Variants in FSTL5 observed in about 807,000 individuals in gnomAD.
FSTL5 encodes the protein follistatin like 5.
Under a neutral mutation model 89.1 loss-of-function variants are expected in FSTL5, and 62 were observed. That is an observed-to-expected ratio of 0.70 (90% confidence interval 0.57 to 0.86). FSTL5 has a LOEUF of 0.86. FSTL5 is among the 40% of genes least tolerant of loss of function. The pLI is 0.00. For synonymous variants in FSTL5, 383 were observed against 346.2 expected, an observed-to-expected ratio of 1.11 and a Z score of -1.18; for missense variants, 1,057 against 1,001.6, an observed-to-expected ratio of 1.06 and a Z score of -0.75.
chr4:161,551,950 C>G (rs1362254425), intron 8 of FSTL5, among the ~76,000 whole-genome samples: 1 of 151,812 alleles, frequency 6.6e-6, no homozygotes, highest in Non-Finnish European at 1.5e-5. Context: ...TCTAAAACAC[C>G]AAAAGCAATG....
At chr4:162,134,150 T>C (rs1424191914) in intron 1 of FSTL5, among the ~76,000 whole-genome samples, 2 of 152,194 alleles carry the variant, frequency 1.3e-5, no homozygotes, top group Non-Finnish European at 2.9e-5. Flanking sequence ...TTTTACTATA[T>C]CCAGTTTATT....
At chr4:161,839,975 CAGAT>C (rs1317557752) in intron 4 of FSTL5, among the ~76,000 whole-genome samples, 17 of 152,240 alleles carry the variant, frequency 1.1e-4, no homozygotes, top group East Asian at 9.6e-4. Flanking sequence ...TATTGAGTGA[CAGAT>C]AGACGGTTAA....
Position 161,403,125 on chromosome 4 carries a change from G to A in FSTL5, c.1842-16676C>T, listed in dbSNP as rs539662881. Among the ~76,000 whole-genome samples, 14 of 152,070 alleles carry A rather than the reference G, an allele frequency of 9.2e-5. No individual in the cohort carries two copies. The South Asian group carries it at 1.5e-3, about 16-fold the overall frequency. On this transcript the variant is annotated intron_variant, in intron 15 of 15. Coordinates refer to ENST00000306100, the MANE Select transcript of FSTL5 (RefSeq NM_020116.5). ...ATTACAGGCGTGAGCCATGGCGCCCGGCCCCCAGAACTATTAATAATCATT... is the reference window on the plus strand; with the variant it reads ...ATTACAGGCGTGAGCCATGGCGCCCAGCCCCCAGAACTATTAATAATCATT...
chr4:161,941,103 A>ATTTAATTTATAACAAT (rs1734569081), intron 3 of FSTL5, among the ~76,000 whole-genome samples: 1 of 151,890 alleles, frequency 6.6e-6, no homozygotes, highest in African/African-American at 2.4e-5. Context: ...ATTGTTATAA[A>ATTTAATTTATAACAAT]TGTAAGAGTT....
chr4:161,636,956 A>G (rs1385629049), intron 7 of FSTL5, among the ~76,000 whole-genome samples: 1 of 83,802 alleles, frequency 1.2e-5, no homozygotes, highest in South Asian at 5.2e-4. Flanking sequence ...AGCATGATTT[A>G]TAGTCCTTTG....
intron 1 of FSTL5, among the ~76,000 whole-genome samples, chr4:162,113,844 T>C (rs1221121666): frequency 6.6e-6 from 1 of 152,212 alleles, no homozygotes; most frequent in African/African-American, 2.4e-5. Context: ...TAGATCAGTT[T>C]TCCTTCATTT....
chr4:161,643,561 C>T (rs2126670664), intron 7 of FSTL5, among the ~76,000 whole-genome samples: 1 of 151,774 alleles, frequency 6.6e-6, no homozygotes, highest in Admixed American at 6.6e-5. Context: ...AGCTGAATGC[C>T]TAGAAAAACA....
intron 2 of FSTL5, among the ~76,000 whole-genome samples, chr4:162,108,838 A>G (rs1254824474): frequency 1.3e-5 from 2 of 151,952 alleles, no homozygotes; most frequent in East Asian, 1.9e-4. Context: ...CAGCCTTATT[A>G]GAGCCATCTG....
chr4:161,658,485 C>T (rs77031349), intron 6 of FSTL5, among the ~76,000 whole-genome samples: 3 of 151,700 alleles, frequency 2.0e-5, no homozygotes, highest in Admixed American at 6.6e-5. Context: ...GGAATATTTT[C>T]GGTCTGTTTT....
chr4:161,638,255 GCTCT>G (rs1011207550), intron 7 of FSTL5, among the ~76,000 whole-genome samples: 4 of 151,286 alleles, frequency 2.6e-5, no homozygotes, highest in Non-Finnish European at 4.4e-5. Context: ...TCATGATTTG[GCTCT>G]CTGTTTGTCT....
intron 15 of FSTL5, among the ~76,000 whole-genome samples, chr4:161,445,495 A>C (rs1217350158): frequency 6.6e-6 from 1 of 151,960 alleles, no homozygotes. Context: ...TTTAACAATG[A>C]CTTTATTAAT....
At chr4:161,762,803 T>G (rs1740853070) in intron 5 of FSTL5, among the ~76,000 whole-genome samples, 1 of 152,164 alleles carries the variant, frequency 6.6e-6, no homozygotes, top group Non-Finnish European at 1.5e-5. Flanking sequence ...AAATAAAATC[T>G]TTTACACTTT....
intron 4 of FSTL5, among the ~76,000 whole-genome samples, chr4:161,918,792 C>T (rs1194461813): frequency 6.6e-6 from 1 of 151,880 alleles, no homozygotes; most frequent in Admixed American, 6.6e-5. Flanking sequence ...TAGAGGCACC[C>T]GCCATCATGC....
At chr4:162,110,609 A>C (rs1208198224) in intron 2 of FSTL5, among the ~76,000 whole-genome samples, 1 of 151,772 alleles carries the variant, frequency 6.6e-6, no homozygotes, top group Non-Finnish European at 1.5e-5. Context: ...ATGAAATTTT[A>C]TGTGATTTAA....
chr4:161,572,313 C>G (rs1733043165), intron 8 of FSTL5, among the ~76,000 whole-genome samples: 1 of 111,048 alleles, frequency 9.0e-6, no homozygotes, highest in African/African-American at 3.7e-5. Flanking sequence ...GAGTGAGACT[C>G]CGTCTAAAAA....
intron 1 of FSTL5, among the ~76,000 whole-genome samples, chr4:162,134,367 C>T (rs142703107): frequency 9.5e-4 from 144 of 152,086 alleles, no homozygotes; most frequent in African/African-American, 3.3e-3. Flanking sequence ...ACTGCCCCTG[C>T]GGTCTTATAT....
chr4:161,498,197 T>C (rs1246803816), intron 12 of FSTL5, among the ~76,000 whole-genome samples: 3 of 152,086 alleles, frequency 2.0e-5, no homozygotes, highest in South Asian at 4.1e-4. Flanking sequence ...ACATTGTTTT[T>C]CTTTAGTTGT....
Position 161,992,585 on chromosome 4 carries a change from G to A in FSTL5, c.160+41040C>T, listed in dbSNP as rs147458341. On this transcript the variant is annotated intron_variant, in intron 3 of 15. Transcript: ENST00000306100. ...AAGCAGGGCGCGGTGGTTCACGCCT[G>A]TAATCCCAGCACTTTGGAAAGCCAA... Among the ~76,000 whole-genome samples, 7 of 151,876 alleles carry A rather than the reference G, an allele frequency of 4.6e-5. No individual in the cohort carries two copies. The East Asian group carries it at 1.4e-3, about 30-fold the overall frequency.
chr4:161,956,212 A>G (rs1182248699), intron 3 of FSTL5, among the ~76,000 whole-genome samples: 2 of 151,944 alleles, frequency 1.3e-5, no homozygotes, highest in African/African-American at 2.4e-5. Flanking sequence ...TGAAATAGCA[A>G]TAAATGAATT....
Sources: allele counts gnomAD v4.1 joint callset (sites outside exome capture counted in the v4.1 genomes callset), GRCh38; gene constraint gnomAD v4.1.1; transcripts MANE v1.5; gene names NCBI Gene and HGNC (gene_info 2026-07-23, HGNC 2026-07-21).